Variants in USP24 observed in about 807,000 individuals in gnomAD.
USP24 encodes the protein ubiquitin specific peptidase 24.
USP24 carries 97 observed loss-of-function variants against 361.6 expected under a neutral mutation model. That is an observed-to-expected ratio of 0.27 (90% CI 0.23 to 0.32). The LOEUF is 0.32. Among genes scored for constraint, USP24 ranks in the 10% least tolerant of loss-of-function variants. The probability of loss-of-function intolerance (pLI) is 1.00; values close to 1 mark genes in which losing one functional copy is unlikely to be tolerated. For missense variants in USP24, 2,353 were observed against 3,165.6 expected (o/e 0.74, Z 6.16); for synonymous variants, 1,098 against 1,124.6 (o/e 0.98, Z 0.47).
chr1:55,083,058 A>G (rs1211762650), intron 58 of USP24, among the ~76,000 whole-genome samples: 1 of 152,086 alleles, frequency 6.6e-6, no homozygotes, highest in Non-Finnish European at 1.5e-5. Context: ...TTTCCCTCTT[A>G]TGACTTTGTC....
intron 44 of USP24, among the ~76,000 whole-genome samples, chr1:55,100,453 G>T (rs1003399642): frequency 2.0e-5 from 3 of 149,828 alleles, no homozygotes; most frequent in Non-Finnish European, 4.4e-5. Flanking sequence ...CCAAGATTGC[G>T]CCATTGCACT....
At chr1:55,132,727 T>G (rs774188295) in intron 30 of USP24, 27 bp from the exon 31 acceptor site, 2 of 1,592,286 alleles carry the variant, frequency 1.3e-6, no homozygotes, top group Non-Finnish European at 1.7e-6. Context: ...GAGAAAGACA[T>G]AAACTACTTA....
At chr1:55,188,588 C>T (rs955206570) in intron 1 of USP24, among the ~76,000 whole-genome samples, 2 of 151,930 alleles carry the variant, frequency 1.3e-5, no homozygotes, top group African/African-American at 4.8e-5. Context: ...CAAAAAGATG[C>T]TAAGCATCTT....
rs549851213 is a variant in USP24 at position 55,214,525 on chromosome 1, C to T, written c.324+265G>A. On this transcript the variant is annotated intron_variant, in intron 1 of 67. Transcript: ENST00000294383. ...ATAGCCGGAAGCCTAAGGGACCCCTCCTCACCCCAACCCACAGCTCCGCTG... is the reference window on the plus strand; with the variant it reads ...ATAGCCGGAAGCCTAAGGGACCCCTTCTCACCCCAACCCACAGCTCCGCTG... Among the ~76,000 whole-genome samples, 6 of 152,220 alleles carry T rather than the reference C, an allele frequency of 3.9e-5. No homozygotes were observed. In the South Asian group the frequency reaches 1.2e-3, roughly 32 times the overall value.
intron 1 of USP24, among the ~76,000 whole-genome samples, chr1:55,203,031 G>A (rs1644616875): frequency 6.6e-6 from 1 of 152,174 alleles, no homozygotes; most frequent in African/African-American, 2.4e-5. Context: ...CTATTTATTA[G>A]TTCCTGTTGT....
At chr1:55,081,114 TC>T in intron 59 of USP24, among the ~76,000 whole-genome samples, 1 of 152,194 alleles carries the variant, frequency 6.6e-6, no homozygotes, top group Middle Eastern at 3.4e-3. Flanking sequence ...CTCTCACCTC[TC>T]CCAAATGAAT....
At chr1:55,138,855 A>C in intron 25 of USP24, 89 bp downstream of exon 25, 1 of 1,430,290 alleles carries the variant, frequency 7.0e-7, no homozygotes, top group East Asian at 2.4e-5. Context: ...GGTGTGTGCT[A>C]AACTCCCAGC....
In USP24 at chr1:55,195,273, A is replaced by G. The variant is rs138175794; in HGVS notation, c.325-17141T>C. Among the ~76,000 whole-genome samples the G allele has an allele frequency of 3.0e-3, 460 of 152,306 alleles. 3 individuals are homozygous for G. Among genetic ancestry groups the G allele is most frequent in the African/African-American group, 0.011 (448 of 41,558 alleles). Reference sequence around the variant, plus strand: ...AAGGTCCTATCATGAAACCATGTATAGCTGTAGGCTGCTCTCTCTGCCTAG... The same window carrying G: ...AAGGTCCTATCATGAAACCATGTATGGCTGTAGGCTGCTCTCTCTGCCTAG... On this transcript the variant is annotated intron_variant, in intron 1 of 67. Transcript: ENST00000294383.
intron 22 of USP24, 55 bp downstream of exon 22, chr1:55,142,924 A>G: frequency 6.9e-7 from 1 of 1,438,896 alleles, no homozygotes; most frequent in East Asian, 2.5e-5. Context: ...ACTAAAATAT[A>G]CATATAATTT....
intron 16 of USP24, among the ~76,000 whole-genome samples, chr1:55,150,898 C>T (rs1647175542): frequency 6.6e-6 from 1 of 152,094 alleles, no homozygotes; most frequent in Non-Finnish European, 1.5e-5. Context: ...TAAGTAGGAC[C>T]TGATGGGATG....
At position 55,137,846 on chromosome 1, in the gene USP24, G is replaced by A; in HGVS notation, c.2987C>T (p.Ser996Phe). The change falls in exon 27 of 68, where the codon TCT becomes TTT. Residue 996 changes from serine to phenylalanine, a missense_variant. Ser to Phe is a radical substitution (Grantham distance 155). This residue lies in a region of USP24 where 949 missense variants were observed against 1,280.5 expected (regional missense o/e 0.74). Coordinates refer to ENST00000294383, the MANE Select transcript of USP24 (RefSeq NM_015306.3). ...VRWKIAKQLC[S>F]PVDNIQIFTN... ...AAATATCTGTATATTATCCACAGGA[G>A]AGCACAACTGCTTGGCTATTTTCCA... 6.3e-7 allele frequency: 1 copy of A among 1,597,474 alleles called. No individual in the cohort carries two copies. The highest frequency in any genetic ancestry group is 8.5e-7 in the Non-Finnish European group (1 of 1,170,902).
chr1:55,194,287 C>G (rs971984171), intron 1 of USP24, among the ~76,000 whole-genome samples: 1 of 152,186 alleles, frequency 6.6e-6, no homozygotes, highest in Non-Finnish European at 1.5e-5. Context: ...TCTTTCACTA[C>G]CACTTGCTAG....
chr1:55,213,459 T>C (rs1004109443), intron 1 of USP24, among the ~76,000 whole-genome samples: 10 of 152,226 alleles, frequency 6.6e-5, no homozygotes, highest in African/African-American at 2.4e-4. Flanking sequence ...CGAGGAACTG[T>C]TGCAAAAGCA....
chr1:55,183,231 A>C (rs1355699094), intron 1 of USP24, among the ~76,000 whole-genome samples: 3 of 152,186 alleles, frequency 2.0e-5, no homozygotes, highest in African/African-American at 7.2e-5. Flanking sequence ...TAAATATACT[A>C]AGGTTAAGAG....
intron 31 of USP24, among the ~76,000 whole-genome samples, chr1:55,131,461 T>C (rs1449294618): frequency 1.3e-5 from 2 of 152,212 alleles, no homozygotes; most frequent in African/African-American, 4.8e-5. Context: ...TGCTGAATAC[T>C]GCATATGTTT....
intron 16 of USP24, among the ~76,000 whole-genome samples, chr1:55,152,784 C>G (rs538370361): frequency 6.6e-6 from 1 of 152,222 alleles, no homozygotes; most frequent in Non-Finnish European, 1.5e-5. Context: ...GTAGAAAATT[C>G]ACCTGGTCAC....
chr1:55,205,078 A>G (rs939942415), intron 1 of USP24, among the ~76,000 whole-genome samples: 9 of 152,180 alleles, frequency 5.9e-5, no homozygotes, highest in African/African-American at 2.2e-4. Context: ...TGGCCCCACA[A>G]TGAGTAATAC....
At chr1:55,078,183 G>A (rs1187989672) in intron 61 of USP24, among the ~76,000 whole-genome samples, 2 of 152,034 alleles carry the variant, frequency 1.3e-5, no homozygotes, top group Admixed American at 6.5e-5. Context: ...AGGCCTGGAA[G>A]GAAATATCAA....
intron 1 of USP24, among the ~76,000 whole-genome samples, chr1:55,199,958 A>G (rs547492212): frequency 6.6e-5 from 10 of 152,320 alleles, no homozygotes; most frequent in Admixed American, 5.2e-4. Context: ...GCAGCAGGCA[A>G]AGAGAGAATG....
Sources: gnomAD v4.1 joint callset for allele counts (sites outside exome capture counted in the v4.1 genomes callset) on GRCh38, gnomAD v4.1.1 for gene constraint, gnomAD v4.1.1 regional missense constraint, MANE v1.5 for transcripts, NCBI Gene and HGNC (gene_info 2026-07-23, HGNC 2026-07-21) for gene names.